PEMT: variants seen among roughly 807,000 people sequenced by gnomAD.
PEMT encodes phospholipid methyltransferase.
PEMT carries 23 observed loss-of-function variants against 27.4 expected under a neutral mutation model. That is an observed-to-expected ratio of 0.84 (90% CI 0.60 to 1.19). The LOEUF is 1.19. Ranked by LOEUF, PEMT falls within the 50% of genes most tolerant of loss-of-function variation. The pLI is 0.00. For synonymous variants in PEMT, 137 were observed against 139.1 expected (o/e 0.98, Z 0.11); for missense variants, 307 against 310.1 (o/e 0.99, Z 0.07).
chr17:17,591,343 A>G (rs1400795042), intron 1 of PEMT, 188 bp downstream of exon 1: 2 of 567,808 alleles, frequency 3.5e-6, no homozygotes, highest in South Asian at 2.2e-5. Context: ...ACGCGCGCGC[A>G]CACGCACACA....
upstream of PEMT, chr17:17,591,996 TG>T: frequency 2.0e-6 from 2 of 985,202 alleles, no homozygotes; most frequent in Non-Finnish European, 2.4e-6. Context: ...CTGGCGGCGG[TG>T]GGGCTAGAGG....
intron 2 of PEMT, among the ~76,000 whole-genome samples, chr17:17,572,157 T>C (rs955722754): frequency 2.0e-5 from 3 of 152,146 alleles, no homozygotes; most frequent in Non-Finnish European, 4.4e-5. Flanking sequence ...CCAAGCCACC[T>C]CTCTCAGCTC....
chr17:17,574,342 CAG>C (rs1313923382), intron 2 of PEMT, among the ~76,000 whole-genome samples: 1 of 112,246 alleles, frequency 8.9e-6, no homozygotes, highest in Non-Finnish European at 1.7e-5. Context: ...TTTTTAAAGA[CAG>C]AGTCTCACTC....
intron 2 of PEMT, among the ~76,000 whole-genome samples, chr17:17,560,478 T>C (rs1485748723): frequency 6.6e-6 from 1 of 152,116 alleles, no homozygotes; most frequent in Non-Finnish European, 1.5e-5. Context: ...CAGAAAAGGG[T>C]AGGCAGCTAA....
intron 1 of PEMT, among the ~76,000 whole-genome samples, chr17:17,583,186 G>A (rs1386789372): frequency 6.6e-6 from 1 of 152,100 alleles, no homozygotes; most frequent in Admixed American, 6.6e-5. Flanking sequence ...AGACCAGCCT[G>A]GACAACATGG....
chr17:17,562,859 C>A lies in PEMT; in HGVS notation c.204+14061G>T, dbSNP rs1033436913. Among the ~76,000 whole-genome samples the A allele has an allele frequency of 2.0e-5, 3 of 152,138 alleles. No homozygotes were observed. In the East Asian group the frequency reaches 5.8e-4, roughly 29 times the overall value. Reference sequence around the variant, plus strand: ...CCCCAGGTCCCACCAGACCCTTGCCCAGAGGAGGCCATTTCCCCATCCCCC... The same window carrying A: ...CCCCAGGTCCCACCAGACCCTTGCCAAGAGGAGGCCATTTCCCCATCCCCC... On this transcript the variant is annotated intron_variant, in intron 2 of 6. Transcript: ENST00000255389.
chr17:17,516,018 A>C (rs1451242005), intron 3 of PEMT, among the ~76,000 whole-genome samples: 1 of 152,164 alleles, frequency 6.6e-6, no homozygotes, highest in Non-Finnish European at 1.5e-5. Flanking sequence ...GCCACACACC[A>C]GGCCAGAGGC....
intron 2 of PEMT, among the ~76,000 whole-genome samples, chr17:17,524,588 A>T (rs1907530793): frequency 7.1e-6 from 1 of 141,440 alleles, no homozygotes; most frequent in African/African-American, 2.7e-5. Flanking sequence ...ACATAGTGAG[A>T]CCCTGTCTCT....
At chr17:17,526,422 A>C (rs1907668970) in intron 2 of PEMT, among the ~76,000 whole-genome samples, 1 of 152,176 alleles carries the variant, frequency 6.6e-6, no homozygotes, top group African/African-American at 2.4e-5. Flanking sequence ...AGTACGAAAA[A>C]CAGGACGGAC....
Position 17,530,568 on chromosome 17 carries a change from T to A in PEMT, c.205-8173A>T, listed in dbSNP as rs114322954. 3.9e-3 allele frequency among the ~76,000 whole-genome samples: 586 copies of A among 152,200 alleles called. 6 individuals are homozygous for A. The highest frequency in any genetic ancestry group is 0.013 in the African/African-American group (539 of 41,510). ...TCAATAAACCTGGTAAAAACACAGATAAGAAGTTTCAAGTGATTTTGAAAT... is the reference window on the plus strand; with the variant it reads ...TCAATAAACCTGGTAAAAACACAGAAAAGAAGTTTCAAGTGATTTTGAAAT... On this transcript the variant is annotated intron_variant, in intron 2 of 6. Transcript: ENST00000255389.
intron 2 of PEMT, among the ~76,000 whole-genome samples, chr17:17,571,261 A>G (rs1472032077): frequency 2.0e-5 from 3 of 152,080 alleles, no homozygotes; most frequent in African/African-American, 7.2e-5. Context: ...AGGTGGAGGA[A>G]GCAGAATTCA....
At chr17:17,525,043 G>T (rs1397206793) in intron 2 of PEMT, among the ~76,000 whole-genome samples, 2 of 152,152 alleles carry the variant, frequency 1.3e-5, no homozygotes, top group East Asian at 3.9e-4. Context: ...GGAGGCGGAG[G>T]TTGCAGTGAG....
Position 17,505,610 on chromosome 17 carries a change from G to A in PEMT, c.*181C>T, listed in dbSNP as rs920875553. ...GGTGAATGGGAATGTGTGGGTTGGAGCTCAATGGCCATATGTCGGCACGTC... is the reference window on the plus strand; with the variant it reads ...GGTGAATGGGAATGTGTGGGTTGGAACTCAATGGCCATATGTCGGCACGTC... On this transcript the variant is annotated 3_prime_UTR_variant, in exon 7 of 7. Coordinates refer to ENST00000255389, the MANE Select transcript of PEMT (RefSeq NM_148172.3). 1.9e-5 allele frequency: 10 copies of A among 529,592 alleles called. No homozygotes were observed. The African/African-American group carries it at 2.0e-4, about 10-fold the overall frequency. 32.8% of individuals were successfully genotyped at this position (529,592 alleles called of 1,614,324 possible).
intron 2 of PEMT, among the ~76,000 whole-genome samples, chr17:17,532,998 G>A (rs569058941): frequency 2.0e-4 from 31 of 152,234 alleles, no homozygotes; most frequent in Admixed American, 3.9e-4. Context: ...TCGCACTCCA[G>A]CCTGGGTGAC....
At chr17:17,535,226 A>C (rs1239368872) in intron 2 of PEMT, among the ~76,000 whole-genome samples, 1 of 152,118 alleles carries the variant, frequency 6.6e-6, no homozygotes, top group Non-Finnish European at 1.5e-5. Context: ...CTATTTTAAA[A>C]TGAAATTATT....
At chr17:17,588,713 C>T (rs576430366) in intron 1 of PEMT, among the ~76,000 whole-genome samples, 2 of 152,186 alleles carry the variant, frequency 1.3e-5, no homozygotes, top group Non-Finnish European at 2.9e-5. Context: ...CCTGGGTGCC[C>T]GCACCCCTAG....
intron 2 of PEMT, among the ~76,000 whole-genome samples, chr17:17,563,415 AG>A (rs910957954): frequency 6.6e-6 from 1 of 152,048 alleles, no homozygotes; most frequent in Non-Finnish European, 1.5e-5. Context: ...CCCACCTCGC[AG>A]GGAGGTACCA....
At chr17:17,508,536 T>C (rs975745588) in intron 5 of PEMT, among the ~76,000 whole-genome samples, 1 of 152,206 alleles carries the variant, frequency 6.6e-6, no homozygotes, top group Non-Finnish European at 1.5e-5. Flanking sequence ...TCAGGTCTTG[T>C]GGAGAACCTG....
rs116602444 is a variant in PEMT, at chr17:17,509,893, C to T, written c.467-348G>A. Among the ~76,000 whole-genome samples the T allele has an allele frequency of 3.6e-3, 549 of 152,306 alleles. 2 individuals are homozygous for T. Among genetic ancestry groups the T allele is most frequent in the African/African-American group, 0.013 (531 of 41,578 alleles). On this transcript the variant is annotated intron_variant, in intron 4 of 6. Transcript: ENST00000255389. ...CTTTCCCTGCTCTCTGTACAGAGAG[C>T]GCCTTTCCTCCTCAGGCCCTTCGCC...
Sources: allele counts gnomAD v4.1 joint callset (sites outside exome capture counted in the v4.1 genomes callset), GRCh38; gene constraint gnomAD v4.1.1; transcripts MANE v1.5; gene names NCBI Gene and HGNC (gene_info 2026-07-23, HGNC 2026-07-21).